The following MECOM variants were observed in gnomAD, a reference collection of about 807,000 sequenced individuals.
The protein encoded by MECOM is MDS1 and EVI1 complex locus, also known as histone-lysine N-methyltransferase MECOM.
Under a neutral mutation model 116.3 loss-of-function variants are expected in MECOM, and 13 were observed. That is an observed-to-expected ratio of 0.11 (90% CI 0.07 to 0.18). MECOM has a LOEUF of 0.18. Among genes scored for constraint, MECOM ranks in the 10% least tolerant of loss-of-function variants. The pLI is 1.00. For missense variants in MECOM, 1,299 were observed against 1,509.0 expected (o/e 0.86, Z 2.31); for synonymous variants, 528 against 535.2 (o/e 0.99, Z 0.19).
At chr3:169,516,756 T>A (rs1487991117) in intron 1 of MECOM, among the ~76,000 whole-genome samples, 1 of 152,186 alleles carries the variant, frequency 6.6e-6, no homozygotes, top group African/African-American at 2.4e-5. Context: ...GTTTCCAAAG[T>A]CAAATAGATA....
intron 2 of MECOM, among the ~76,000 whole-genome samples, chr3:169,198,116 A>C (rs1748668193): frequency 6.6e-6 from 1 of 152,062 alleles, no homozygotes; most frequent in African/African-American, 2.4e-5. Flanking sequence ...AAAAACCAAA[A>C]CTTGATTTTT....
At chr3:169,167,862 A>G (rs1012116712) in intron 2 of MECOM, among the ~76,000 whole-genome samples, 2 of 152,128 alleles carry the variant, frequency 1.3e-5, no homozygotes, top group South Asian at 2.1e-4. Flanking sequence ...TATACTCTGA[A>G]TGACTTTTGA....
intron 1 of MECOM, among the ~76,000 whole-genome samples, chr3:169,488,495 G>A (rs896387508): frequency 1.3e-5 from 2 of 151,796 alleles, no homozygotes; most frequent in Non-Finnish European, 2.9e-5. Flanking sequence ...GCTGTGAACC[G>A]AGATTGCACC....
At position 169,249,488 on chromosome 3, in the gene MECOM, A is replaced by G. The variant is rs565318053; in HGVS notation, c.376-105656T>C. Reference sequence around the variant, plus strand: ...AGGTATTGTTACTCTAATTCAGGCCAGTTGCATCCTTTCCACTTTGAAGAC... The same window carrying G: ...AGGTATTGTTACTCTAATTCAGGCCGGTTGCATCCTTTCCACTTTGAAGAC... On this transcript the variant is annotated intron_variant, in intron 2 of 16. Coordinates refer to ENST00000651503, the MANE Select transcript of MECOM (RefSeq NM_004991.4). Among the ~76,000 whole-genome samples the G allele has an allele frequency of 3.6e-3, 551 of 152,344 alleles. 2 individuals are homozygous for G. The highest frequency in any genetic ancestry group is 6.4e-3 in the Non-Finnish European group (433 of 68,030).
chr3:169,559,707 C>CGTA (rs1463528578), intron 1 of MECOM, among the ~76,000 whole-genome samples: 1 of 152,150 alleles, frequency 6.6e-6, no homozygotes, highest in African/African-American at 2.4e-5. Context: ...ATTTAAGTAA[C>CGTA]GTAAGTGCCT....
At chr3:169,189,152 T>C (rs1747176944) in intron 2 of MECOM, among the ~76,000 whole-genome samples, 2 of 152,100 alleles carry the variant, frequency 1.3e-5, no homozygotes, top group South Asian at 2.1e-4. Context: ...AATTGCCTTA[T>C]AGATCATTAA....
chr3:169,484,030 GT>G, intron 1 of MECOM: 1 of 1,456,204 alleles, frequency 6.9e-7, no homozygotes, highest in Non-Finnish European at 9.5e-7. Context: ...CAAAACCATT[GT>G]TTTATATAAC....
intron 2 of MECOM, among the ~76,000 whole-genome samples, chr3:169,209,827 C>T (rs1466187085): frequency 2.0e-5 from 3 of 152,092 alleles, no homozygotes; most frequent in Non-Finnish European, 4.4e-5. Context: ...CCAGAAATAG[C>T]ATTTGACCCA....
At chr3:169,504,544 A>G (rs1754965654) in intron 1 of MECOM, among the ~76,000 whole-genome samples, 1 of 152,192 alleles carries the variant, frequency 6.6e-6, no homozygotes. Context: ...ATGTAACATT[A>G]TTGAAAAGAG....
chr3:169,432,141 T>G (rs1033240875), intron 1 of MECOM, among the ~76,000 whole-genome samples: 4 of 151,894 alleles, frequency 2.6e-5, no homozygotes, highest in African/African-American at 9.7e-5. Flanking sequence ...AGTTCCACTG[T>G]CATTTTTGTG....
At chr3:169,146,811 C>T (rs552322731) in intron 2 of MECOM, 49 of 1,099,220 alleles carry the variant, frequency 4.5e-5, no homozygotes, top group Non-Finnish European at 5.3e-5. Context: ...CAGCCCCCAA[C>T]GCTCCTGCAC....
rs747698939 is a variant in MECOM at position 169,143,842 on chromosome 3, A to T, written c.376-10T>A. The T allele has an allele frequency of 2.9e-5, 46 of 1,593,092 alleles. No individual in the cohort carries two copies. Among genetic ancestry groups the T allele is most frequent in the Non-Finnish European group, 3.8e-5 (45 of 1,169,802 alleles). ...AAAATTCGTCTAAGATCTGGAGGGA[A>T]GAAGATGAGAACAATCAATTGCCAT... is the stretch of plus-strand genomic sequence containing the variant. On this transcript the variant is annotated splice_polypyrimidine_tract_variant and intron_variant, in intron 2 of 16. Coordinates refer to ENST00000651503, the MANE Select transcript of MECOM (RefSeq NM_004991.4).
chr3:169,150,014 C>G (rs1467074072), intron 2 of MECOM, among the ~76,000 whole-genome samples: 2 of 151,216 alleles, frequency 1.3e-5, no homozygotes, highest in East Asian at 3.9e-4. Flanking sequence ...TCTCCCTCCC[C>G]TCTCCCCCAC....
chr3:169,443,143 G>A (rs1020329367), intron 1 of MECOM, among the ~76,000 whole-genome samples: 1 of 152,106 alleles, frequency 6.6e-6, no homozygotes, highest in Non-Finnish European at 1.5e-5. Context: ...CTTCCAATCT[G>A]CTTTGAAATT....
At chr3:169,360,299 A>T (rs1451537008) in intron 2 of MECOM, among the ~76,000 whole-genome samples, 2 of 139,848 alleles carry the variant, frequency 1.4e-5, no homozygotes, top group Admixed American at 7.7e-5. Context: ...ATAAAAAAAA[A>T]AAAAAAAAAA....
chr3:169,144,593 C>G (rs1447490789), intron 2 of MECOM, among the ~76,000 whole-genome samples: 1 of 152,012 alleles, frequency 6.6e-6, no homozygotes, highest in Non-Finnish European at 1.5e-5. Context: ...ACATTTGGCC[C>G]ATCTAAATGT....
chr3:169,329,897 G>A (rs555317110), intron 2 of MECOM, among the ~76,000 whole-genome samples: 1 of 152,324 alleles, frequency 6.6e-6, no homozygotes, highest in South Asian at 2.1e-4. Context: ...AGAGAAGTAA[G>A]CAGATTACCA....
intron 1 of MECOM, among the ~76,000 whole-genome samples, chr3:169,480,795 A>C (rs566370881): frequency 2.9e-4 from 44 of 152,098 alleles, no homozygotes; most frequent in African/African-American, 9.6e-4. Flanking sequence ...ATTAAGGGGC[A>C]TATTTGTGGA....
At chr3:169,556,013 C>T (rs1761986041) in intron 1 of MECOM, among the ~76,000 whole-genome samples, 1 of 152,164 alleles carries the variant, frequency 6.6e-6, no homozygotes, top group African/African-American at 2.4e-5. Context: ...GATTTACTTA[C>T]AGCAAGCATC....
Sources: gnomAD v4.1 joint callset for allele counts (sites outside exome capture counted in the v4.1 genomes callset) on GRCh38, gnomAD v4.1.1 for gene constraint, MANE v1.5 for transcripts, NCBI Gene and HGNC (gene_info 2026-07-23, HGNC 2026-07-21) for gene names.